Variants in SLC45A4 observed in about 807,000 individuals in gnomAD.
SLC45A4 encodes the protein polyamine-transporter SLC45A4.
A neutral mutation model predicts 63.7 loss-of-function variants in SLC45A4; 32 were observed. That is an observed-to-expected ratio of 0.50 (90% confidence interval 0.38 to 0.67). The LOEUF (loss-of-function observed/expected upper bound fraction) is 0.67, where lower values mean the gene tolerates loss of function less well. SLC45A4 is among the 30% of genes least tolerant of loss of function. The pLI is 0.00. For synonymous variants in SLC45A4, 535 were observed against 510.0 expected, an observed-to-expected ratio of 1.05 and a Z score of -0.66; for missense variants, 1,027 against 1,157.7, an observed-to-expected ratio of 0.89 and a Z score of 1.64.
intron 1 of SLC45A4, among the ~76,000 whole-genome samples, chr8:141,285,886 C>T (rs1386863049): frequency 1.3e-5 from 2 of 152,220 alleles, no homozygotes; most frequent in African/African-American, 4.8e-5. Context: ...CTCAAGACCT[C>T]TGGAACCTGT....
In SLC45A4 at chr8:141,292,396, C is replaced by T. The variant is rs539405560; in HGVS notation, c.-401+15700G>A. Among the ~76,000 whole-genome samples the T allele has an allele frequency of 2.6e-5, 4 of 152,392 alleles. No homozygotes were observed. In the South Asian group the frequency reaches 8.3e-4, roughly 32 times the overall value. ...CTAAGTTACCGTAAACTTATGGCCA[C>T]AGCTCCCACCCAACAGGGAACCACA... On this transcript the variant is annotated intron_variant, in intron 1 of 8. Coordinates refer to ENST00000517878, the MANE Select transcript of SLC45A4 (RefSeq NM_001286646.2).
intron 1 of SLC45A4, among the ~76,000 whole-genome samples, chr8:141,255,315 C>T (rs901787399): frequency 2.6e-5 from 4 of 151,894 alleles, no homozygotes; most frequent in Non-Finnish European, 5.9e-5. Flanking sequence ...TGGGCTCAAG[C>T]GATCTACCCT....
At chr8:141,273,375 G>C (rs1228527217) in intron 1 of SLC45A4, among the ~76,000 whole-genome samples, 6 of 152,174 alleles carry the variant, frequency 3.9e-5, no homozygotes, top group Admixed American at 3.9e-4. Flanking sequence ...CGCATCCCCT[G>C]AAATCTCAGC....
rs780090311 is a variant in SLC45A4 at position 141,218,363 on chromosome 8, G to A, written c.1277C>T (p.Thr426Ile). 8 of 1,608,344 alleles carry A rather than the reference G, an allele frequency of 5.0e-6. No homozygotes were observed. Among genetic ancestry groups the A allele is most frequent in the Non-Finnish European group, 6.8e-6 (8 of 1,179,766 alleles). ...RHAFRRQASS[T>I]FSYYGKLGSH... The stretch of plus-strand genomic sequence containing the variant: ...CCCAAGCTTGCCGTAGTAGGAGAAG[G>A]TGCTGGAGGCCTGCCTGCGGAACGC... Residue 426 changes from threonine to isoleucine, a missense_variant, in exon 5 of 9, where the codon ACC becomes ATC. Coordinates refer to ENST00000517878, the MANE Select transcript of SLC45A4 (RefSeq NM_001286646.2).
At chr8:141,273,871 G>A (rs191791764) in intron 1 of SLC45A4, among the ~76,000 whole-genome samples, 9 of 152,306 alleles carry the variant, frequency 5.9e-5, no homozygotes, top group Admixed American at 5.2e-4. Context: ...CACGATGTCC[G>A]TGTGTTTGAA....
At chr8:141,255,406 G>C (rs1828727384) in intron 1 of SLC45A4, among the ~76,000 whole-genome samples, 1 of 152,164 alleles carries the variant, frequency 6.6e-6, no homozygotes, top group Non-Finnish European at 1.5e-5. Context: ...GACCCTGCCT[G>C]GAGAGGTGGA....
At chr8:141,267,777 A>G (rs1829338246) in intron 1 of SLC45A4, among the ~76,000 whole-genome samples, 1 of 152,194 alleles carries the variant, frequency 6.6e-6, no homozygotes, top group Non-Finnish European at 1.5e-5. Context: ...CCACACACCT[A>G]TGAGAATGGC....
chr8:141,249,017 TA>T (rs34897440), intron 2 of SLC45A4, among the ~76,000 whole-genome samples: 40,060 of 119,264 alleles, frequency 0.34, 5,912 homozygotes, highest in East Asian at 0.4. Context: ...GACCCCATCT[TA>T]AAAAAAAAAA....
chr8:141,244,953 T>TGGGGGGGG (rs1332452740), intron 2 of SLC45A4, among the ~76,000 whole-genome samples: 2 of 27,756 alleles, frequency 7.2e-5, no homozygotes, highest in African/African-American at 3.2e-4. Context: ...CAAGAAGACG[T>TGGGGGGGG]GGGTGGGGGG....
intron 7 of SLC45A4, among the ~76,000 whole-genome samples, chr8:141,212,961 G>A (rs892351432): frequency 2.0e-5 from 3 of 152,234 alleles, no homozygotes; most frequent in Non-Finnish European, 4.4e-5. Flanking sequence ...AAGTATAACT[G>A]CAGGTGGCCA....
intron 1 of SLC45A4, among the ~76,000 whole-genome samples, chr8:141,301,668 G>A (rs752532351): frequency 2.1e-5 from 3 of 143,678 alleles, no homozygotes; most frequent in Non-Finnish European, 3.0e-5. Context: ...CGGGGAGGTC[G>A]AGGCTGCAGT....
chr8:141,289,536 C>T (rs972019152), intron 1 of SLC45A4, among the ~76,000 whole-genome samples: 2 of 152,096 alleles, frequency 1.3e-5, no homozygotes, highest in East Asian at 3.9e-4. Context: ...TGCAGAGAGG[C>T]GATTTGTACA....
Position 141,210,237 on chromosome 8 carries a change from C to A in SLC45A4, c.*1335G>T, listed in dbSNP as rs975249617. On this transcript the variant is annotated 3_prime_UTR_variant, in exon 9 of 9. Transcript: ENST00000517878. ...AGAGTGAGCTGCCACGGACGCCCGG[C>A]CGAGGTGAGGAAGCCAGGGGTGCCG... 3 of 152,352 alleles carry A rather than the reference C, an allele frequency of 2.0e-5. No individual in the cohort carries two copies. The highest frequency in any genetic ancestry group is 1.3e-4 in the Admixed American group (2 of 15,286). 9.4% of individuals were successfully genotyped at this position (152,352 alleles called of 1,614,324 possible).
intron 1 of SLC45A4, among the ~76,000 whole-genome samples, chr8:141,263,496 A>G (rs1377611386): frequency 1.3e-5 from 2 of 152,024 alleles, no homozygotes; most frequent in Non-Finnish European, 2.9e-5. Flanking sequence ...GGCCGGGCGC[A>G]GTGGCTCATG....
intron 1 of SLC45A4, among the ~76,000 whole-genome samples, chr8:141,276,667 A>G (rs1258783663): frequency 6.6e-6 from 1 of 152,190 alleles, no homozygotes; most frequent in Non-Finnish European, 1.5e-5. Context: ...GGTATCCATG[A>G]GTCAGCCCCA....
chr8:141,218,616 C>A lies in SLC45A4; in HGVS notation c.1024G>T (p.Ala342Ser). 6.2e-7 allele frequency: 1 copy of A among 1,613,234 alleles called. No individual in the cohort carries two copies. Among genetic ancestry groups the A allele is most frequent in the Non-Finnish European group, 8.5e-7 (1 of 1,179,894 alleles). Reference sequence around the variant, plus strand: ...TCCTGGCTGGTGCTGCGGGGGGTGGCGGGGTAGGAGGCGTCGTGGAAGATG... The same window carrying A: ...TCCTGGCTGGTGCTGCGGGGGGTGGAGGGGTAGGAGGCGTCGTGGAAGATG... ...PSIFHDASYPATPRSTSQELA... is the reference protein window; with the variant it reads ...PSIFHDASYPSTPRSTSQELA... Residue 342 changes from alanine to serine, a missense_variant, in exon 5 of 9, where the codon GCC (alanine) becomes TCC (serine). Ala to Ser is a moderately conservative substitution (Grantham distance 99). Transcript: ENST00000517878.
chr8:141,262,105 A>G (rs1475382736), intron 1 of SLC45A4, among the ~76,000 whole-genome samples: 1 of 151,874 alleles, frequency 6.6e-6, no homozygotes, highest in Non-Finnish European at 1.5e-5. Flanking sequence ...TGACAAAAAC[A>G]AGAAATTGGG....
chr8:141,212,141 C>CCCCCCCCGGGGG, intron 8 of SLC45A4, 56 bp downstream of exon 8: 3 of 1,109,168 alleles, frequency 2.7e-6, no homozygotes, highest in Non-Finnish European at 1.1e-6. Flanking sequence ...CCCCGCCGCC[C>CCCCCCCCGGGGG]GCCCGCCCGC....
At chr8:141,250,410 T>A (rs184609557) in intron 2 of SLC45A4, among the ~76,000 whole-genome samples, 82 of 152,004 alleles carry the variant, frequency 5.4e-4, no homozygotes, top group Admixed American at 2.2e-3. Context: ...GGTTTTTTTT[T>A]TTTTTGAGAC....
Sources: gnomAD v4.1 joint callset for allele counts (sites outside exome capture counted in the v4.1 genomes callset) on GRCh38, gnomAD v4.1.1 for gene constraint, MANE v1.5 for transcripts, NCBI Gene and HGNC (gene_info 2026-07-23, HGNC 2026-07-21) for gene names.